Variants in FBXO8 observed in about 807,000 individuals in gnomAD.
FBXO8 encodes the protein F-box only protein 8.
Under a neutral mutation model 33.4 loss-of-function variants are expected in FBXO8, and 15 were observed. The ratio of observed to expected loss-of-function variants is 0.45; its 90% CI spans 0.30 to 0.69. The LOEUF is 0.69. Ranked by LOEUF, FBXO8 falls within the 30% of genes least tolerant of loss-of-function variation. The pLI is 0.08. For missense variants in FBXO8, 274 were observed against 380.3 expected (o/e 0.72, Z 2.32); for synonymous variants, 132 against 131.5 (o/e 1.00, Z -0.02).
In FBXO8 at chr4:174,270,620, AT is replaced by A. The variant is rs768394345; in HGVS notation, c.-8-7521del. Among the ~76,000 whole-genome samples the A allele has an allele frequency of 0.028, 4,013 of 142,372 alleles. 72 individuals are homozygous for A. Among genetic ancestry groups the A allele is most frequent in the African/African-American group, 0.062 (2,404 of 39,046 alleles). The allele number at this position is 142,372 out of a possible 152,430, so 93.4% of individuals were successfully genotyped here. A position where few individuals can be genotyped will look rare whatever the true frequency, so the allele number is the denominator to read the frequency against. On this transcript the variant is annotated intron_variant, in intron 1 of 5. Transcript: ENST00000393674. The surrounding 1 kb of genome is among the most constrained non-coding windows in gnomAD (Gnocchi z 4.6). ...TTCATGCTCATGTCTTAGGAATAGT[AT>A]TTTTTTTTTTTTTTGAGATTTAGTC...
At position 174,254,088 on chromosome 4, in the gene FBXO8, T is replaced by C. The variant is rs1579025149; in HGVS notation, c.456+5611A>G. Among the ~76,000 whole-genome samples, 1 of 152,138 alleles carries C rather than the reference T, an allele frequency of 6.6e-6. No individual in the cohort carries two copies. Among genetic ancestry groups the C allele is most frequent in the East Asian group, 1.9e-4 (1 of 5,186 alleles). On this transcript the variant is annotated intron_variant, in intron 3 of 5. Coordinates refer to ENST00000393674, the MANE Select transcript of FBXO8 (RefSeq NM_012180.3). This position sits in a 1 kb window ranked among gnomAD's most constrained non-coding sequence, Gnocchi z 4.2. ...AGCCAAAAACATCTTAGCTGATACA[T>C]ACAGGGAGAAGTGGGTACTGCAAGA...
At position 174,262,053 on chromosome 4, in the gene FBXO8, A is replaced by T. The variant is rs1477963919; in HGVS notation, c.329+711T>A. The stretch of plus-strand genomic sequence containing the variant: ...TATGATGCTATTTAAGGAGTAACTT[A>T]GGTTCAATAAAACAGATTCTATTCC... On this transcript the variant is annotated intron_variant, in intron 2 of 5. Coordinates refer to ENST00000393674, the MANE Select transcript of FBXO8 (RefSeq NM_012180.3). This position sits in a 1 kb window ranked among gnomAD's most constrained non-coding sequence, Gnocchi z 4.6. Among the ~76,000 whole-genome samples, 1 of 152,154 alleles carries T rather than the reference A, an allele frequency of 6.6e-6. No individual in the cohort carries two copies. The highest frequency in any genetic ancestry group is 1.5e-5 in the Non-Finnish European group (1 of 67,996).
Position 174,275,751 on chromosome 4 carries a change from AT to A in FBXO8, c.-9+7658del, listed in dbSNP as rs1736946305. On this transcript the variant is annotated intron_variant, in intron 1 of 5. Transcript: ENST00000393674. This position sits in a 1 kb window ranked among gnomAD's most constrained non-coding sequence, Gnocchi z 4.4. ...ATTTTAGATTTTGGGAATCCAACTA[AT>A]TGTGAAAAATCTACAACCTATGAAT... Among the ~76,000 whole-genome samples, 1 of 152,206 alleles carries A rather than the reference AT, an allele frequency of 6.6e-6. No homozygotes were observed. The highest frequency in any genetic ancestry group is 6.5e-5 in the Admixed American group (1 of 15,288).
Position 174,237,719 on chromosome 4 carries a change from G to A in FBXO8, c.773-120C>T, listed in dbSNP as rs903942543. 1.5e-5 allele frequency: 12 copies of A among 776,460 alleles called. No homozygotes were observed. The highest frequency in any genetic ancestry group is 2.2e-5 in the Non-Finnish European group (11 of 504,536). 48.1% of individuals were successfully genotyped at this position (776,460 alleles called of 1,614,324 possible). On this transcript the variant is annotated intron_variant, in intron 5 of 5. Coordinates refer to ENST00000393674, the MANE Select transcript of FBXO8 (RefSeq NM_012180.3). The surrounding 1 kb of genome is among the most constrained non-coding windows in gnomAD (Gnocchi z 4.4). The stretch of plus-strand genomic sequence containing the variant: ...ATATCAAGATTAGCTCATAAATACA[G>A]AGTGACCAATCCATCCCAGTTTGTC...
Position 174,265,040 on chromosome 4 carries a change from G to C in FBXO8, c.-8-1940C>G, listed in dbSNP as rs1304824705. 6.6e-6 allele frequency among the ~76,000 whole-genome samples: 1 copy of C among 152,038 alleles called. No individual in the cohort carries two copies. The highest frequency in any genetic ancestry group is 2.4e-5 in the African/African-American group (1 of 41,422). On this transcript the variant is annotated intron_variant, in intron 1 of 5. Coordinates refer to ENST00000393674, the MANE Select transcript of FBXO8 (RefSeq NM_012180.3). This position sits in a 1 kb window ranked among gnomAD's most constrained non-coding sequence, Gnocchi z 4.7. ...AAAGATGCTCAACATCATATGTCGTGAGGGAACTGAAAATAACATAACTAT... is the reference window on the plus strand; with the variant it reads ...AAAGATGCTCAACATCATATGTCGTCAGGGAACTGAAAATAACATAACTAT...
At chr4:174,240,591 G>T (rs1736013560) in intron 4 of FBXO8, among the ~76,000 whole-genome samples, 1 of 508 alleles carries the variant, frequency 2.0e-3, no homozygotes, top group Non-Finnish European at 0.013. Context: ...CATCATCTCT[G>T]TGTAAAACTG....
rs980854595 is a variant in FBXO8, at chr4:174,237,578, T to C, written c.794A>G (p.Tyr265Cys). ...LSPDAVYVLC[Y>C]SLILLSIDLT... is the part of the protein sequence containing the mutation. ...GTCAATGGAAAGTAGAATCAAAGAG[T>C]AGCACAGTACATAGACAGCATCTGG... Residue 265 changes from tyrosine to cysteine, a missense_variant, in exon 6 of 6, where the codon TAC becomes TGC. Physicochemically the swap from Tyr to Cys is radical, Grantham distance 194. Around this residue, in one of 2 missense-constraint regions of FBXO8, gnomAD observed 186 missense variants for 293.4 expected, o/e 0.63. Coordinates refer to ENST00000393674, the MANE Select transcript of FBXO8 (RefSeq NM_012180.3). This position sits in a 1 kb window ranked among gnomAD's most constrained non-coding sequence, Gnocchi z 4.4. The C allele has an allele frequency of 6.2e-7, 1 of 1,613,244 alleles. No individual in the cohort carries two copies. Among genetic ancestry groups the C allele is most frequent in the Non-Finnish European group, 8.5e-7 (1 of 1,179,442 alleles).
intron 3 of FBXO8, among the ~76,000 whole-genome samples, chr4:174,250,403 G>C (rs528811080): frequency 6.6e-6 from 1 of 151,832 alleles, no homozygotes; most frequent in Non-Finnish European, 1.5e-5. Context: ...AAATATTAGC[G>C]GCAGATAAAA....
intron 3 of FBXO8, among the ~76,000 whole-genome samples, chr4:174,249,547 A>G (rs550350238): frequency 3.3e-5 from 5 of 152,116 alleles, no homozygotes; most frequent in East Asian, 3.9e-4. Context: ...TAATATGTAC[A>G]TTTATAAATA....
chr4:174,240,136 CA>C (rs543054382), intron 4 of FBXO8, among the ~76,000 whole-genome samples: 225 of 49,352 alleles, frequency 4.6e-3, no homozygotes, highest in Middle Eastern at 0.012. Flanking sequence ...AAAATATTTA[CA>C]AAAAAAAAAA....
rs1007527796 is a variant in FBXO8 at position 174,241,544 on chromosome 4, C to T, written c.457-326G>A. ...GCTGCAGATGAAACCACAATACAGA[C>T]GTTAAAACAAGCCTTTTAACAAACA... is the stretch of plus-strand genomic sequence containing the variant. On this transcript the variant is annotated intron_variant, in intron 3 of 5. Transcript: ENST00000393674. The surrounding 1 kb of genome is among the most constrained non-coding windows in gnomAD (Gnocchi z 4.2). Among the ~76,000 whole-genome samples the T allele has an allele frequency of 4.6e-5, 7 of 151,492 alleles. No individual in the cohort carries two copies. The highest frequency in any genetic ancestry group is 2.1e-4 in the South Asian group (1 of 4,818).
intron 3 of FBXO8, among the ~76,000 whole-genome samples, chr4:174,248,673 T>C (rs1339727343): frequency 6.6e-6 from 1 of 152,094 alleles, no homozygotes; most frequent in Admixed American, 6.6e-5. Context: ...GTCTGGAGGA[T>C]AATGAAGAGT....
At position 174,270,612 on chromosome 4, in the gene FBXO8, G is replaced by A. The variant is rs71611779; in HGVS notation, c.-8-7512C>T. On this transcript the variant is annotated intron_variant, in intron 1 of 5. Coordinates refer to ENST00000393674, the MANE Select transcript of FBXO8 (RefSeq NM_012180.3). The surrounding 1 kb of genome is among the most constrained non-coding windows in gnomAD (Gnocchi z 4.6). ...CATTTTTATTCATGCTCATGTCTTA[G>A]GAATAGTATTTTTTTTTTTTTTTGA... 6.6e-6 allele frequency among the ~76,000 whole-genome samples: 1 copy of A among 150,778 alleles called. No individual in the cohort carries two copies. The highest frequency in any genetic ancestry group is 6.6e-5 in the Admixed American group (1 of 15,108).
chr4:174,257,094 C>A lies in FBXO8; in HGVS notation c.456+2605G>T, dbSNP rs1339062465. The stretch of plus-strand genomic sequence containing the variant: ...TATAAAAACAACTTGAATTTGAGCT[C>A]TTTTCTCTGCCCCCTCTCCAAACAC... On this transcript the variant is annotated intron_variant, in intron 3 of 5. Transcript: ENST00000393674. This position sits in a 1 kb window ranked among gnomAD's most constrained non-coding sequence, Gnocchi z 4.3. Among the ~76,000 whole-genome samples, 1 of 152,036 alleles carries A rather than the reference C, an allele frequency of 6.6e-6. No individual in the cohort carries two copies. Among genetic ancestry groups the A allele is most frequent in the Non-Finnish European group, 1.5e-5 (1 of 67,986 alleles).
rs1266372349 is a variant in FBXO8, at chr4:174,241,306, A to C, written c.457-88T>G. ...AAGCAATAGCACAACAGTAGCTATA[A>C]ATTCTTTCCAGCATTAATAGACTTT... is the stretch of plus-strand genomic sequence containing the variant. On this transcript the variant is annotated intron_variant, in intron 3 of 5. Transcript: ENST00000393674. The surrounding 1 kb of genome is among the most constrained non-coding windows in gnomAD (Gnocchi z 4.2). The C allele has an allele frequency of 2.9e-6, 2 of 683,662 alleles. No individual in the cohort carries two copies. The highest frequency in any genetic ancestry group is 4.9e-6 in the Non-Finnish European group (2 of 405,286). The allele number at this position is 683,662 out of a possible 1,614,324, so 42.3% of individuals were successfully genotyped here.
intron 1 of FBXO8, among the ~76,000 whole-genome samples, chr4:174,271,987 AG>A (rs1736847793): frequency 1.3e-5 from 2 of 152,224 alleles, no homozygotes; most frequent in African/African-American, 4.8e-5. Context: ...GTACCTTTCC[AG>A]TTTACTTGGG....
In FBXO8 at chr4:174,243,759, T is replaced by C. The variant is rs77671621; in HGVS notation, c.457-2541A>G. Among the ~76,000 whole-genome samples the C allele has an allele frequency of 3.5e-3, 536 of 151,340 alleles. 2 individuals are homozygous for C. The highest frequency in any genetic ancestry group is 0.012 in the African/African-American group (507 of 41,460). ...ACTAGAACTCTGAGCAGTGTGTATGTGCATGGACATCTGTGCAGTGTCTCA... is the reference window on the plus strand; with the variant it reads ...ACTAGAACTCTGAGCAGTGTGTATGCGCATGGACATCTGTGCAGTGTCTCA... On this transcript the variant is annotated intron_variant, in intron 3 of 5. Coordinates refer to ENST00000393674, the MANE Select transcript of FBXO8 (RefSeq NM_012180.3).
At position 174,241,109 on chromosome 4, in the gene FBXO8, A is replaced by T; in HGVS notation, c.566T>A (p.Leu189His). Residue 189 changes from leucine (L) to histidine (H), a missense_variant, in exon 4 of 6, where the codon CTT (leucine) becomes CAT (histidine). By Grantham distance (99) the Leu-to-His change is moderately conservative (BLOSUM62 -3). This residue lies in a region of FBXO8 where 186 missense variants were observed against 293.4 expected (regional missense o/e 0.63). Coordinates refer to ENST00000393674, the MANE Select transcript of FBXO8 (RefSeq NM_012180.3). The surrounding 1 kb of genome is among the most constrained non-coding windows in gnomAD (Gnocchi z 4.2). ...TLNWKKLRIYLDERRDVLDDL... is the reference protein window; with the variant it reads ...TLNWKKLRIYHDERRDVLDDL... Reference sequence around the variant, plus strand: ...TAATTTTCGTTTTTACCTTTCATCAAGATAGATTCTCAGTTTTTTCCAATT... The same window carrying T: ...TAATTTTCGTTTTTACCTTTCATCATGATAGATTCTCAGTTTTTTCCAATT... The T allele has an allele frequency of 4.4e-6, 7 of 1,588,110 alleles. No homozygotes were observed. Among genetic ancestry groups the T allele is most frequent in the Non-Finnish European group, 6.0e-6 (7 of 1,161,192 alleles).
In FBXO8 at chr4:174,257,245, TGA is replaced by T. The variant is rs1736437451; in HGVS notation, c.456+2452_456+2453del. Among the ~76,000 whole-genome samples, 1 of 152,112 alleles carries T rather than the reference TGA, an allele frequency of 6.6e-6. No homozygotes were observed. Among genetic ancestry groups the T allele is most frequent in the Admixed American group, 6.6e-5 (1 of 15,254 alleles). ...CCTATACATATAACATTTTAGCATATGAGGACCCATGTGTATTTTCATCTTTG... is the reference window on the plus strand; with the variant it reads ...CCTATACATATAACATTTTAGCATATGGACCCATGTGTATTTTCATCTTTG... On this transcript the variant is annotated intron_variant, in intron 3 of 5. Transcript: ENST00000393674. The surrounding 1 kb of genome is among the most constrained non-coding windows in gnomAD (Gnocchi z 4.3).
Sources: gnomAD v4.1 joint callset for allele counts (sites outside exome capture counted in the v4.1 genomes callset) on GRCh38, gnomAD v4.1.1 for gene constraint, gnomAD v4.1.1 regional missense constraint, Gnocchi (gnomAD v3.1) non-coding constraint, MANE v1.5 for transcripts, NCBI Gene and HGNC (gene_info 2026-07-23, HGNC 2026-07-21) for gene names.